RAD51B: variants seen among roughly 807,000 people sequenced by gnomAD.
The protein encoded by RAD51B is RAD51 paralog B, also known as DNA repair protein RAD51 homolog 2.
In RAD51B, 38 loss-of-function variants were observed where a neutral mutation model predicts 42.2. The ratio of observed to expected loss-of-function variants is 0.90; its 90% CI spans 0.70 to 1.18. The LOEUF (loss-of-function observed/expected upper bound fraction) is 1.18. Ranked by LOEUF, RAD51B falls within the 50% of genes most tolerant of loss-of-function variation. The pLI is 0.00. For missense variants in RAD51B, 373 were observed against 400.7 expected (o/e 0.93, Z 0.59); for synonymous variants, 154 against 145.2 (o/e 1.06, Z -0.43).
At chr14:68,432,563 A>G (rs1206815979) in intron 9 of RAD51B, among the ~76,000 whole-genome samples, 1 of 152,206 alleles carries the variant, frequency 6.6e-6, no homozygotes, top group East Asian at 1.9e-4. Context: ...ATCAGAGACT[A>G]GGATTGCAAC....
chr14:68,353,798 C>G (rs2082839032), intron 8 of RAD51B, among the ~76,000 whole-genome samples: 1 of 152,164 alleles, frequency 6.6e-6, no homozygotes, highest in African/African-American at 2.4e-5. Context: ...AAAAAGTTGC[C>G]ACTTTGGGTG....
At chr14:67,865,264 G>A (rs1195784154) in intron 5 of RAD51B, 125 bp downstream of exon 5, 12 of 940,744 alleles carry the variant, frequency 1.3e-5, no homozygotes, top group Non-Finnish European at 1.6e-5. Context: ...TTGAGATGGA[G>A]TCTTGCTCTG....
downstream of RAD51B, among the ~76,000 whole-genome samples, chr14:68,613,707 A>C (rs376730604): frequency 6.6e-6 from 1 of 151,598 alleles, no homozygotes; most frequent in South Asian, 2.1e-4. Context: ...ACCCGCCTTG[A>C]CCTCCCAAAG....
chr14:68,111,833 G>A (rs1195351739), intron 7 of RAD51B, among the ~76,000 whole-genome samples: 1 of 152,068 alleles, frequency 6.6e-6, no homozygotes, highest in Non-Finnish European at 1.5e-5. Flanking sequence ...GCGGTGATAA[G>A]TATTACATTA....
intron 8 of RAD51B, among the ~76,000 whole-genome samples, chr14:68,301,635 C>T (rs2104046): frequency 0.12 from 16,754 of 135,654 alleles, 1,157 homozygotes; most frequent in African/African-American, 0.21. Flanking sequence ...TTTACTCCAT[C>T]GCCCAGGCTG....
chr14:68,337,017 C>T (rs1284532059), intron 8 of RAD51B, among the ~76,000 whole-genome samples: 4 of 152,196 alleles, frequency 2.6e-5, no homozygotes, highest in African/African-American at 9.7e-5. Context: ...GAGATGAATT[C>T]CTTTGTCAAA....
At chr14:68,401,713 G>A (rs937953004) in intron 8 of RAD51B, among the ~76,000 whole-genome samples, 5 of 152,072 alleles carry the variant, frequency 3.3e-5, no homozygotes, top group Non-Finnish European at 5.9e-5. Flanking sequence ...TGCCTTCCTC[G>A]GTGGGTAAAT....
chr14:68,622,499 C>T (rs1043595154), intron 10 of RAD51B, among the ~76,000 whole-genome samples: 2 of 151,956 alleles, frequency 1.3e-5, no homozygotes, highest in African/African-American at 4.8e-5. Context: ...AGGGTGGTCA[C>T]GGAAGGCCTT....
chr14:68,077,292 T>C (rs1046595584), intron 7 of RAD51B, among the ~76,000 whole-genome samples: 3 of 152,210 alleles, frequency 2.0e-5, no homozygotes, highest in African/African-American at 7.2e-5. Flanking sequence ...ATGGCTACTA[T>C]GTGTAAGGCA....
At chr14:68,526,776 C>G (rs1886960373) in intron 10 of RAD51B, among the ~76,000 whole-genome samples, 1 of 152,210 alleles carries the variant, frequency 6.6e-6, no homozygotes, top group Admixed American at 6.5e-5. Context: ...CTCTGACATT[C>G]AGGCCGCTTG....
At chr14:68,258,860 G>C (rs776199580) in intron 7 of RAD51B, among the ~76,000 whole-genome samples, 7 of 152,156 alleles carry the variant, frequency 4.6e-5, no homozygotes, top group Admixed American at 6.5e-5. Flanking sequence ...TGACAAGAAA[G>C]TTACTGCAAA....
chr14:67,830,539 C>T (rs2041000562), intron 3 of RAD51B, among the ~76,000 whole-genome samples: 1 of 151,976 alleles, frequency 6.6e-6, no homozygotes, highest in African/African-American at 2.4e-5. Flanking sequence ...GTAGCTGGGA[C>T]TACAGACATG....
At chr14:68,195,500 G>C (rs2079351054) in intron 7 of RAD51B, among the ~76,000 whole-genome samples, 1 of 152,114 alleles carries the variant, frequency 6.6e-6, no homozygotes, top group African/African-American at 2.4e-5. Flanking sequence ...ATACATCCAT[G>C]ATACTCCCAG....
intron 7 of RAD51B, among the ~76,000 whole-genome samples, chr14:68,143,014 A>AG (rs1234944720): frequency 8.1e-5 from 9 of 111,576 alleles, no homozygotes; most frequent in African/African-American, 3.1e-4. Context: ...GCGGAGGGCG[A>AG]GGGGGTGGGG....
At chr14:68,296,344 T>A (rs2081613321) in intron 8 of RAD51B, among the ~76,000 whole-genome samples, 1 of 152,194 alleles carries the variant, frequency 6.6e-6, no homozygotes, top group Non-Finnish European at 1.5e-5. Flanking sequence ...TCAGATTTCA[T>A]TTCATTGACA....
chr14:68,394,036 C>T (rs1365572879), intron 8 of RAD51B, among the ~76,000 whole-genome samples: 1 of 152,108 alleles, frequency 6.6e-6, no homozygotes, highest in Non-Finnish European at 1.5e-5. Context: ...GTGAGCCAGG[C>T]AGAAGGTGGC....
chr14:67,822,722 G>GCT (rs879496702), intron 1 of RAD51B, among the ~76,000 whole-genome samples: 31 of 150,664 alleles, frequency 2.1e-4, no homozygotes, highest in South Asian at 8.4e-4. Context: ...GACCTGTCTC[G>GCT]CTCTCTCTCT....
intron 7 of RAD51B, chr14:68,125,439 A>G (rs1242871029): frequency 6.6e-6 from 1 of 152,238 alleles, no homozygotes; most frequent in East Asian, 1.9e-4. Context: ...GCAGTCGTTC[A>G]TAAGTAGCTG....
At chr14:68,151,674 A>G (rs906477820) in intron 7 of RAD51B, among the ~76,000 whole-genome samples, 2 of 151,786 alleles carry the variant, frequency 1.3e-5, no homozygotes, top group Non-Finnish European at 2.9e-5. Flanking sequence ...CAAGTTCTCT[A>G]ATCATCTCTT....
Sources: allele counts gnomAD v4.1 joint callset (sites outside exome capture counted in the v4.1 genomes callset), GRCh38; gene constraint gnomAD v4.1.1; transcripts MANE v1.5; gene names NCBI Gene and HGNC (gene_info 2026-07-23, HGNC 2026-07-21).